The following CHCHD6 variants were observed in gnomAD, a reference collection of about 807,000 sequenced individuals.
CHCHD6 encodes the protein coiled-coil-helix-coiled-coil-helix domain containing 6.
In CHCHD6, 28 loss-of-function variants were observed where a neutral mutation model predicts 32.3. The observed-to-expected ratio is 0.87, with a 90% CI of 0.64 to 1.19. The LOEUF (loss-of-function observed/expected upper bound fraction) is 1.19, where lower values mean the gene tolerates loss of function less well. CHCHD6 is among the 50% of genes most tolerant of loss of function. CHCHD6 has a pLI of 0.00. For missense variants in CHCHD6, 333 were observed against 307.0 expected, an observed-to-expected ratio of 1.08 and a Z score of -0.63; for synonymous variants, 122 against 117.5, an observed-to-expected ratio of 1.04 and a Z score of -0.25.
intron 4 of CHCHD6, among the ~76,000 whole-genome samples, chr3:126,800,329 T>A (rs1939004012): frequency 6.6e-6 from 1 of 152,086 alleles, no homozygotes; most frequent in Non-Finnish European, 1.5e-5. Flanking sequence ...GAGATAAGGA[T>A]GATGGCAGCA....
chr3:126,948,511 C>T (rs1296255939), intron 6 of CHCHD6, among the ~76,000 whole-genome samples: 1 of 152,182 alleles, frequency 6.6e-6, no homozygotes, highest in Admixed American at 6.5e-5. Context: ...ATTAGGGGCC[C>T]ACCCTACCCC....
intron 4 of CHCHD6, among the ~76,000 whole-genome samples, chr3:126,829,915 T>C (rs1212435792): frequency 6.6e-6 from 1 of 152,064 alleles, no homozygotes; most frequent in East Asian, 1.9e-4. Context: ...CTGGCCAACA[T>C]GGTGAAACCC....
intron 5 of CHCHD6, among the ~76,000 whole-genome samples, chr3:126,856,184 AT>A (rs1186017904): frequency 1.3e-5 from 2 of 152,114 alleles, no homozygotes; most frequent in African/African-American, 4.8e-5. Context: ...AAGAAAGTTT[AT>A]GACTGTTTTG....
At chr3:126,878,876 CTG>C (rs1162179383) in intron 5 of CHCHD6, among the ~76,000 whole-genome samples, 3 of 152,220 alleles carry the variant, frequency 2.0e-5, no homozygotes, top group Non-Finnish European at 4.4e-5. Context: ...GTGGTGGAGG[CTG>C]TGAGTCAGGA....
intron 4 of CHCHD6, among the ~76,000 whole-genome samples, chr3:126,821,703 CTGTT>C (rs1940162220): frequency 6.6e-6 from 1 of 152,154 alleles, no homozygotes; most frequent in African/African-American, 2.4e-5. Context: ...TCTTGTCTGT[CTGTT>C]TGATTATAAC....
chr3:126,730,394 G>A (rs1935736850), intron 2 of CHCHD6, among the ~76,000 whole-genome samples, 167 bp from the exon 3 acceptor site: 1 of 152,186 alleles, frequency 6.6e-6, no homozygotes, highest in East Asian at 1.9e-4. Flanking sequence ...TGAATCAAGG[G>A]TGTTCCTTGT....
At chr3:126,948,874 A>G (rs1178894891) in intron 6 of CHCHD6, among the ~76,000 whole-genome samples, 1 of 152,186 alleles carries the variant, frequency 6.6e-6, no homozygotes, top group Non-Finnish European at 1.5e-5. Flanking sequence ...GCCCAGCTTT[A>G]TGTTCTCCCT....
intron 4 of CHCHD6, among the ~76,000 whole-genome samples, chr3:126,741,019 A>G (rs1243885057): frequency 1.3e-5 from 2 of 152,228 alleles, no homozygotes; most frequent in Admixed American, 6.5e-5. Context: ...TCACTGCTGC[A>G]GTAGTGATGC....
chr3:126,886,359 G>T (rs151010500), intron 5 of CHCHD6, among the ~76,000 whole-genome samples: 1,665 of 152,318 alleles, frequency 0.011, 94 homozygotes, highest in Admixed American at 0.093. Flanking sequence ...TCTTAGGAGT[G>T]TGATGGGATC....
chr3:126,852,176 A>G (rs1381980642), intron 4 of CHCHD6, among the ~76,000 whole-genome samples: 3 of 152,228 alleles, frequency 2.0e-5, no homozygotes, highest in Non-Finnish European at 2.9e-5. Flanking sequence ...AGGCCAGCAC[A>G]TAGCTGTGTG....
chr3:126,917,817 G>A (rs777959213), intron 6 of CHCHD6, among the ~76,000 whole-genome samples: 42 of 152,116 alleles, frequency 2.8e-4, no homozygotes, highest in Non-Finnish European at 5.9e-4. Flanking sequence ...TTTCTACCAT[G>A]TTGAGGACAC....
rs1286700590 is a variant in CHCHD6, at chr3:126,849,748, TC to T, written c.412-2896del. On this transcript the variant is annotated intron_variant, in intron 4 of 7. Transcript: ENST00000290913. ...ATTTATCTGCACACACATTTGTGTC[TC>T]CCACTGGGATCTAAGCTTCATGATA... is the stretch of plus-strand genomic sequence containing the variant. 6.6e-5 allele frequency among the ~76,000 whole-genome samples: 10 copies of T among 152,324 alleles called. No individual in the cohort carries two copies. The East Asian group carries it at 1.9e-3, about 29-fold the overall frequency.
intron 5 of CHCHD6, among the ~76,000 whole-genome samples, chr3:126,869,288 C>CTTTTTTT (rs58408227): frequency 7.4e-5 from 8 of 108,660 alleles, no homozygotes; most frequent in South Asian, 3.0e-4. Flanking sequence ...CACCAGTCTC[C>CTTTTTTT]TTTTTTTTTT....
intron 4 of CHCHD6, among the ~76,000 whole-genome samples, chr3:126,756,684 G>A (rs1321538121): frequency 6.6e-6 from 1 of 152,168 alleles, no homozygotes; most frequent in Non-Finnish European, 1.5e-5. Flanking sequence ...AACTAAATGG[G>A]AAATCATTCA....
intron 4 of CHCHD6, among the ~76,000 whole-genome samples, chr3:126,802,746 C>T (rs1167644074): frequency 1.3e-5 from 2 of 151,798 alleles, no homozygotes; most frequent in African/African-American, 4.8e-5. Flanking sequence ...AAGAGCAACT[C>T]CAAGACACAT....
chr3:126,784,669 C>T (rs553961815), intron 4 of CHCHD6, among the ~76,000 whole-genome samples: 1 of 152,256 alleles, frequency 6.6e-6, no homozygotes, highest in South Asian at 2.1e-4. Flanking sequence ...TCAGGCATCC[C>T]CCAGTGTCAG....
At chr3:126,757,454 C>A (rs1219087916) in intron 4 of CHCHD6, among the ~76,000 whole-genome samples, 3 of 152,126 alleles carry the variant, frequency 2.0e-5, no homozygotes, top group Admixed American at 2.0e-4. Flanking sequence ...TCTGGAAAGA[C>A]AACTTTGAAA....
At chr3:126,757,372 C>A (rs1936992594) in intron 4 of CHCHD6, among the ~76,000 whole-genome samples, 1 of 152,122 alleles carries the variant, frequency 6.6e-6, no homozygotes, top group Non-Finnish European at 1.5e-5. Flanking sequence ...GGGAAAAGTC[C>A]TTAACAACAC....
intron 5 of CHCHD6, among the ~76,000 whole-genome samples, chr3:126,893,396 C>G (rs186954213): frequency 6.6e-6 from 1 of 152,218 alleles, no homozygotes; most frequent in Non-Finnish European, 1.5e-5. Context: ...GTGACTCATT[C>G]GTTTTCTCTA....
Sources: allele counts gnomAD v4.1 joint callset (sites outside exome capture counted in the v4.1 genomes callset), GRCh38; gene constraint gnomAD v4.1.1; transcripts MANE v1.5; gene names NCBI Gene and HGNC (gene_info 2026-07-23, HGNC 2026-07-21).